LCA5: variants seen among roughly 807,000 people sequenced by gnomAD.
LCA5 encodes lebercilin.
LCA5 carries 37 observed loss-of-function variants against 53.0 expected under a neutral mutation model. The ratio of observed to expected loss-of-function variants is 0.70; its 90% CI spans 0.54 to 0.92. The LOEUF (loss-of-function observed/expected upper bound fraction) is 0.92, where lower values mean the gene tolerates loss of function less well. Ranked by LOEUF, LCA5 falls within the 40% of genes least tolerant of loss-of-function variation. The pLI, the probability that LCA5 is intolerant of heterozygous loss-of-function variation, is 0.00. For synonymous variants in LCA5, 303 were observed against 282.9 expected, an observed-to-expected ratio of 1.07 and a Z score of -0.71; for missense variants, 806 against 790.5, an observed-to-expected ratio of 1.02 and a Z score of -0.23.
chr6:79,530,617 G>A (rs62413360), intron 1 of LCA5, among the ~76,000 whole-genome samples: 17,250 of 152,150 alleles, frequency 0.11, 1,100 homozygotes, highest in Non-Finnish European at 0.13. Context: ...TAACCTATGC[G>A]TAATACTTAT....
At chr6:79,514,915 G>T (rs768776997) in intron 2 of LCA5, among the ~76,000 whole-genome samples, 5 of 151,834 alleles carry the variant, frequency 3.3e-5, no homozygotes, top group Non-Finnish European at 5.9e-5. Context: ...ATGGATACTA[G>T]GCCTAATGCC....
In LCA5 at chr6:79,491,599, G is replaced by A. The variant is rs1384073205; in HGVS notation, c.1087C>T (p.His363Tyr). ...CYENKWEEPG[H>Y]LTLDLQSQKQ... ...ACTGCTAAACTCACCAAAGTAAGAT[G>A]TCCTGGTTCTTCCCATTTGTTTTCG... The change falls in exon 6 of 8, where the codon CAT (histidine) becomes TAT (tyrosine). Residue 363 changes from histidine (H) to tyrosine (Y), a missense_variant. Coordinates refer to ENST00000369846, the MANE Select transcript of LCA5 (RefSeq NM_001122769.3). 1.2e-6 allele frequency: 2 copies of A among 1,612,842 alleles called. No homozygotes were observed.
chr6:79,503,589 GTA>G (rs1770199408), intron 3 of LCA5, among the ~76,000 whole-genome samples: 1 of 152,092 alleles, frequency 6.6e-6, no homozygotes, highest in South Asian at 2.1e-4. Context: ...TGTACTTTTA[GTA>G]TATTTCTCTT....
At chr6:79,503,859 A>C (rs1481441745) in intron 3 of LCA5, among the ~76,000 whole-genome samples, 1 of 152,252 alleles carries the variant, frequency 6.6e-6, no homozygotes, top group African/African-American at 2.4e-5. Flanking sequence ...GGTAGGTATT[A>C]ACAGTCTAAC....
chr6:79,495,460 T>C (rs879077898), intron 3 of LCA5, among the ~76,000 whole-genome samples: 1 of 151,836 alleles, frequency 6.6e-6, no homozygotes, highest in African/African-American at 2.4e-5. Flanking sequence ...CCTGAGTATA[T>C]AAAAAGTCGG....
chr6:79,498,240 A>G (rs562628073), intron 3 of LCA5, among the ~76,000 whole-genome samples: 61 of 152,154 alleles, frequency 4.0e-4, no homozygotes, highest in Admixed American at 1.9e-3. Flanking sequence ...ATGCATGCAT[A>G]TTATAAGACA....
At chr6:79,517,144 TTTGGTC>T (rs1471305745) in intron 2 of LCA5, among the ~76,000 whole-genome samples, 2 of 152,058 alleles carry the variant, frequency 1.3e-5, no homozygotes, top group African/African-American at 2.4e-5. Context: ...AACGTATCAG[TTTGGTC>T]TTGTTACTTG....
At chr6:79,512,613 GT>G (rs1182206953) in intron 3 of LCA5, among the ~76,000 whole-genome samples, 1 of 147,622 alleles carries the variant, frequency 6.8e-6, no homozygotes, top group African/African-American at 2.5e-5. Flanking sequence ...CAGGGCTTCT[GT>G]TTGATACATA....
chr6:79,492,659 C>G lies in LCA5; in HGVS notation c.859-12G>C, dbSNP rs115317386. ...TCTCTCTCCTTTTCCTGAAAACAAACGCAATACAATTAAGGAAGTAGAGCC... is the reference window on the plus strand; with the variant it reads ...TCTCTCTCCTTTTCCTGAAAACAAAGGCAATACAATTAAGGAAGTAGAGCC... On this transcript the variant is annotated splice_polypyrimidine_tract_variant and intron_variant, in intron 4 of 7. Transcript: ENST00000369846. 3.9e-3 allele frequency: 5,247 copies of G among 1,344,516 alleles called. 152 individuals carry two copies. In the African/African-American group the frequency reaches 0.066, roughly 17 times the overall value. 83.3% of individuals were successfully genotyped at this position (1,344,516 alleles called of 1,614,324 possible). A position where few individuals can be genotyped will look rare whatever the true frequency, so the allele number is the denominator to read the frequency against.
chr6:79,503,701 T>C (rs555332646), intron 3 of LCA5, among the ~76,000 whole-genome samples: 30 of 152,310 alleles, frequency 2.0e-4, no homozygotes, highest in Admixed American at 6.5e-5. Context: ...TGCAAACATA[T>C]ACAGACTGGA....
chr6:79,503,560 T>C (rs1770198292), intron 3 of LCA5, among the ~76,000 whole-genome samples: 1 of 152,236 alleles, frequency 6.6e-6, no homozygotes, highest in African/African-American at 2.4e-5. Context: ...CATGCTTTAA[T>C]GTATTTACCT....
upstream of LCA5, among the ~76,000 whole-genome samples, chr6:79,538,241 T>C (rs1449894109): frequency 3.3e-5 from 5 of 152,036 alleles, no homozygotes. Context: ...GTTCTCACTA[T>C]TGTTAATTTC....
chr6:79,536,998 G>A (rs1186543346), intron 1 of LCA5, 167 bp downstream of exon 1: 1 of 152,356 alleles, frequency 6.6e-6, no homozygotes, highest in African/African-American at 2.4e-5. Flanking sequence ...TCTCCTCGCG[G>A]TCCCTACATC....
chr6:79,512,577 T>A (rs1766262972), intron 3 of LCA5, among the ~76,000 whole-genome samples: 1 of 152,104 alleles, frequency 6.6e-6, no homozygotes, highest in Admixed American at 6.6e-5. Flanking sequence ...AAACTGCTTG[T>A]CAATTTTAAG....
intron 7 of LCA5, 166 bp from the exon 8 acceptor site, chr6:79,488,032 G>T: frequency 1.6e-6 from 1 of 622,968 alleles, no homozygotes; most frequent in South Asian, 2.2e-5. Flanking sequence ...TGGGATTAGA[G>T]AATAATATAT....
At chr6:79,512,192 A>G (rs1770426168) in intron 3 of LCA5, among the ~76,000 whole-genome samples, 1 of 151,986 alleles carries the variant, frequency 6.6e-6, no homozygotes, top group South Asian at 2.1e-4. Flanking sequence ...CTCCTACCCT[A>G]CTTCATGGGT....
Position 79,518,704 on chromosome 6 carries a change from C to A in LCA5, c.190+1G>T, listed in dbSNP as rs746351112. ...ACCAGACTCTTTTAAAGAATGCTTA[C>A]CTTGGTGATGTACTTGGCCATCTGA... On this transcript the variant is annotated splice_donor_variant, in intron 2 of 7. Coordinates refer to ENST00000369846, the MANE Select transcript of LCA5 (RefSeq NM_001122769.3). LOFTEE classifies it high-confidence loss of function. 1.2e-6 allele frequency: 2 copies of A among 1,613,966 alleles called. No individual in the cohort carries two copies. The highest frequency in any genetic ancestry group is 1.7e-6 in the Non-Finnish European group (2 of 1,179,882).
chr6:79,491,873 ATATATATATTCACC>A (rs1359748635), intron 5 of LCA5, 143 bp from the exon 6 acceptor site: 38 of 692,062 alleles, frequency 5.5e-5, no homozygotes, highest in East Asian at 1.4e-4. Flanking sequence ...TAAATGGAGA[ATATATATATTCACC>A]TATATATATT....
rs1283659329 is a variant in LCA5 at position 79,537,372 on chromosome 6, T to G, written c.-399A>C. The G allele has an allele frequency of 6.5e-6, 1 of 152,696 alleles. No individual in the cohort carries two copies. The highest frequency in any genetic ancestry group is 2.4e-5 in the African/African-American group (1 of 41,468). The allele number at this position is 152,696 out of a possible 1,614,324, so 9.5% of individuals were successfully genotyped here. ...ATGGGACAGAGGCGAGGATCGGGGC[T>G]CCTGGGTGGCAGCGGCGGTAACCTG... On this transcript the variant is annotated 5_prime_UTR_variant, in exon 1 of 8. Transcript: ENST00000369846.
Sources: gnomAD v4.1 joint callset for allele counts (sites outside exome capture counted in the v4.1 genomes callset) on GRCh38, gnomAD v4.1.1 for gene constraint, MANE v1.5 for transcripts, NCBI Gene and HGNC (gene_info 2026-07-23, HGNC 2026-07-21) for gene names.